The following STAT4 variants were observed in gnomAD, a reference collection of about 807,000 sequenced individuals.
STAT4 encodes the protein signal transducer and activator of transcription 4.
A neutral mutation model predicts 110.5 loss-of-function variants in STAT4; 42 were observed. That is an observed-to-expected ratio of 0.38 (90% confidence interval 0.30 to 0.49). The LOEUF is 0.49. Among genes scored for constraint, STAT4 ranks in the 20% least tolerant of loss-of-function variants. The pLI, the probability that STAT4 is intolerant of heterozygous loss-of-function variation, is 0.95. For synonymous variants in STAT4, 284 were observed against 302.2 expected (o/e 0.94, Z 0.63); for missense variants, 632 against 887.9 (o/e 0.71, Z 3.66).
At chr2:191,126,675 A>C (rs768073629) in intron 3 of STAT4, among the ~76,000 whole-genome samples, 11 of 152,164 alleles carry the variant, frequency 7.2e-5, no homozygotes, top group Non-Finnish European at 1.5e-4. Context: ...TACAGCTGTC[A>C]GGCCAGCAGA....
At position 191,036,297 on chromosome 2, in the gene STAT4, G is replaced by A. The variant is rs138956189; in HGVS notation, c.1437C>T (p.Asn479=). Residue 479 remains asparagine, a splice_region_variant and synonymous_variant, in exon 17 of 24, where the codon AAC becomes AAT. Coordinates refer to ENST00000392320, the MANE Select transcript of STAT4 (RefSeq NM_003151.4). ...GTGGAGGATTATTAAAGAAAACCAA[G>A]TTCTGAAATAGAGTCAAGATGATAA... ...WYNVSTNDSQ[N]LVFFNNPPPA... is the part of the protein sequence containing the mutation. 5.0e-5 allele frequency: 80 copies of A among 1,613,998 alleles called. No homozygotes were observed. The highest frequency in any genetic ancestry group is 6.8e-5 in the Non-Finnish European group (80 of 1,179,980).
rs755317297 is a variant in STAT4 at position 191,036,185 on chromosome 2, T to C, written c.1549A>G (p.Met517Val). The change falls in exon 17 of 24, where the codon ATG becomes GTG. Residue 517 changes from methionine (M) to valine (V), a missense_variant. Around this residue, in one of 4 missense-constraint regions of STAT4, gnomAD observed 488 missense variants for 632.8 expected, o/e 0.77. Coordinates refer to ENST00000392320, the MANE Select transcript of STAT4 (RefSeq NM_003151.4). The stretch of plus-strand genomic sequence containing the variant: ...TCACCTGTAAGCTTCTCTGCCAGCA[T>C]ATGGAGTTGATCTGAGTTAAGACCA... ...GRGLNSDQLH[M>V]LAEKLTVQSS... The C allele has an allele frequency of 2.5e-6, 4 of 1,614,122 alleles. No homozygotes were observed. Among genetic ancestry groups the C allele is most frequent in the African/African-American group, 1.3e-5 (1 of 75,018 alleles).
rs1380306157 is a variant in STAT4 at position 191,039,224 on chromosome 2, T to C, written c.1409A>G (p.Tyr470Cys). The C allele has an allele frequency of 6.8e-6, 11 of 1,614,224 alleles. No homozygotes were observed. Among genetic ancestry groups the C allele is most frequent in the Non-Finnish European group, 9.3e-6 (11 of 1,180,022 alleles). Reference sequence around the variant, plus strand: ...CTGGGAATCGTTGGTTGACACGTTGTACCAAATGATGGATGCCCAAGCATT... The same window carrying C: ...CTGGGAATCGTTGGTTGACACGTTGCACCAAATGATGGATGCCCAAGCATT... ...LPNAWASIIW[Y>C]NVSTNDSQNL... Residue 470 changes from tyrosine (Y) to cysteine (C), a missense_variant, in exon 16 of 24, where the codon TAC becomes TGC. By Grantham distance (194) the Tyr-to-Cys change is radical (BLOSUM62 -2). Around this residue, in one of 4 missense-constraint regions of STAT4, gnomAD observed 488 missense variants for 632.8 expected, o/e 0.77. Transcript: ENST00000392320. The surrounding 1 kb of genome is among the most constrained non-coding windows in gnomAD (Gnocchi z 4.7).
At chr2:191,079,005 A>G (rs1697390850) in intron 3 of STAT4, among the ~76,000 whole-genome samples, 1 of 152,032 alleles carries the variant, frequency 6.6e-6, no homozygotes, top group Admixed American at 6.6e-5. Context: ...ACATTTACTG[A>G]ACATCTTATT....
chr2:191,057,615 T>C, intron 13 of STAT4, among the ~76,000 whole-genome samples: 1 of 150,092 alleles, frequency 6.7e-6, no homozygotes, highest in East Asian at 1.9e-4. Context: ...TTTTTTTTTT[T>C]TGAGATGCAG....
intron 3 of STAT4, among the ~76,000 whole-genome samples, chr2:191,141,504 T>C (rs147918026): frequency 3.5e-5 from 5 of 143,318 alleles, no homozygotes; most frequent in African/African-American, 1.0e-4. Flanking sequence ...ATATCACATA[T>C]ATACATACAC....
intron 3 of STAT4, among the ~76,000 whole-genome samples, chr2:191,128,332 C>CT (rs1240119027): frequency 1.3e-5 from 2 of 152,054 alleles, no homozygotes; most frequent in Non-Finnish European, 2.9e-5. Context: ...GAGGTCATCT[C>CT]TTTTTTTCTC....
In STAT4 at chr2:191,032,613, C is replaced by T. The variant is rs1315199299; in HGVS notation, c.2044+345G>A. 3.3e-5 allele frequency among the ~76,000 whole-genome samples: 5 copies of T among 152,148 alleles called. No individual in the cohort carries two copies. The highest frequency in any genetic ancestry group is 2.1e-4 in the South Asian group (1 of 4,826). On this transcript the variant is annotated intron_variant, in intron 21 of 23. Coordinates refer to ENST00000392320, the MANE Select transcript of STAT4 (RefSeq NM_003151.4). This position sits in a 1 kb window ranked among gnomAD's most constrained non-coding sequence, Gnocchi z 4.9. ...TATTAAAAGCTTCTCATCATTACCC[C>T]CTCTTTCTTTTCCTTTCCCTCAGTC...
chr2:191,036,129 A>G (rs1220702141), intron 17 of STAT4, 35 bp downstream of exon 17: 7 of 1,601,108 alleles, frequency 4.4e-6, no homozygotes, highest in Non-Finnish European at 6.0e-6. Context: ...AGGGCCAAAA[A>G]CAGAGGCAAA....
intron 16 of STAT4, among the ~76,000 whole-genome samples, chr2:191,036,782 G>T (rs1171843963): frequency 4.6e-5 from 7 of 152,106 alleles, no homozygotes; most frequent in Non-Finnish European, 1.5e-5. Flanking sequence ...TTCTGAGGAG[G>T]CAAGAATTGA....
intron 5 of STAT4, among the ~76,000 whole-genome samples, chr2:191,072,562 G>A (rs1697196160): frequency 6.6e-6 from 1 of 152,028 alleles, no homozygotes; most frequent in African/African-American, 2.4e-5. Context: ...TTTATAAATG[G>A]CAAGGAAATG....
intron 3 of STAT4, among the ~76,000 whole-genome samples, chr2:191,111,815 G>A (rs1489432869): frequency 6.6e-6 from 1 of 152,166 alleles, no homozygotes; most frequent in Non-Finnish European, 1.5e-5. Context: ...AGCTCTGATT[G>A]CATTACTGCA....
chr2:191,055,939 G>A (rs940210180), intron 13 of STAT4, among the ~76,000 whole-genome samples: 5 of 152,074 alleles, frequency 3.3e-5, no homozygotes, highest in African/African-American at 1.2e-4. Flanking sequence ...CTGGATGGTA[G>A]GAATTGAGCC....
chr2:191,058,632 T>A lies in STAT4; in HGVS notation c.1094+78A>T, dbSNP rs1351837761. ...AAGTAAATTTAAAAGTTCAAAATTA[T>A]TCTATAAAATAAAGGCCATTCATTT... is the stretch of plus-strand genomic sequence containing the variant. On this transcript the variant is annotated intron_variant, in intron 11 of 23. Transcript: ENST00000392320. This position sits in a 1 kb window ranked among gnomAD's most constrained non-coding sequence, Gnocchi z 4.3. 1 of 842,882 alleles carries A rather than the reference T, an allele frequency of 1.2e-6. No homozygotes were observed. The highest frequency in any genetic ancestry group is 1.9e-6 in the Non-Finnish European group (1 of 529,014). 52.2% of individuals were successfully genotyped at this position (842,882 alleles called of 1,614,324 possible).
intron 3 of STAT4, among the ~76,000 whole-genome samples, chr2:191,145,322 G>T (rs1312066574): frequency 2.0e-5 from 3 of 152,022 alleles, no homozygotes. Context: ...TAAATTTTAT[G>T]ATCTATTTTA....
rs1697788997 is a variant in STAT4 at position 191,091,208 on chromosome 2, A to AG, written c.274-14884dup. On this transcript the variant is annotated intron_variant, in intron 3 of 23. Transcript: ENST00000392320. The surrounding 1 kb of genome is among the most constrained non-coding windows in gnomAD (Gnocchi z 5.4). ...TTGCTGATGATAAAATTATATTTCT[A>AG]GAAAAAAAGAGACTCATACAAATTC... is the stretch of plus-strand genomic sequence containing the variant. Among the ~76,000 whole-genome samples, 1 of 152,248 alleles carries AG rather than the reference A, an allele frequency of 6.6e-6. No individual in the cohort carries two copies. Among genetic ancestry groups the AG allele is most frequent in the South Asian group, 2.1e-4 (1 of 4,834 alleles).
intron 14 of STAT4, among the ~76,000 whole-genome samples, chr2:191,048,446 C>T (rs747864330): frequency 6.6e-5 from 10 of 152,090 alleles, no homozygotes; most frequent in Non-Finnish European, 8.8e-5. Context: ...TTCGCAGGTT[C>T]CATTCCTCAC....
chr2:191,093,489 T>C (rs1447210472), intron 3 of STAT4, among the ~76,000 whole-genome samples: 1 of 152,206 alleles, frequency 6.6e-6, no homozygotes, highest in Non-Finnish European at 1.5e-5. Flanking sequence ...GACTTGCAGC[T>C]GAGGGACCTG....
rs1574201831 is a variant in STAT4 at position 191,144,542 on chromosome 2, G to C, written c.273+2071C>G. Among the ~76,000 whole-genome samples, 1 of 152,084 alleles carries C rather than the reference G, an allele frequency of 6.6e-6. No homozygotes were observed. Among genetic ancestry groups the C allele is most frequent in the Non-Finnish European group, 1.5e-5 (1 of 68,018 alleles). On this transcript the variant is annotated intron_variant, in intron 3 of 23. Transcript: ENST00000392320. The surrounding 1 kb of genome is among the most constrained non-coding windows in gnomAD (Gnocchi z 4.7). ...GTCTAAAGAGGAAAGATGCTAGAGGGCCAATTAACACATGCAGATGAGTTT... is the reference window on the plus strand; with the variant it reads ...GTCTAAAGAGGAAAGATGCTAGAGGCCCAATTAACACATGCAGATGAGTTT...
Sources: allele counts gnomAD v4.1 joint callset (sites outside exome capture counted in the v4.1 genomes callset), GRCh38; gene constraint gnomAD v4.1.1; regional missense constraint gnomAD v4.1.1; non-coding constraint Gnocchi (gnomAD v3.1); transcripts MANE v1.5; gene names NCBI Gene and HGNC (gene_info 2026-07-23, HGNC 2026-07-21).